Variants in KLHL4 observed in about 807,000 individuals in gnomAD.
KLHL4 encodes kelch like family member 4, also known as kelch-like protein 4.
KLHL4 carries 17 observed loss-of-function variants against 45.8 expected under a neutral mutation model. The ratio of observed to expected loss-of-function variants is 0.37; its 90% confidence interval spans 0.25 to 0.56. The LOEUF (loss-of-function observed/expected upper bound fraction) is 0.56. Ranked by LOEUF, KLHL4 falls within the 20% of genes least tolerant of loss-of-function variation. The pLI is 0.79. For synonymous variants in KLHL4, 224 were observed against 189.9 expected, an observed-to-expected ratio of 1.18 and a Z score of -1.47; for missense variants, 544 against 544.9, an observed-to-expected ratio of 1.00 and a Z score of 0.02.
chrX:87,655,563 A>G (rs1923961874), intron 9 of KLHL4, among the ~76,000 whole-genome samples: 1 of 111,184 alleles, frequency 9.0e-6, no homozygotes, highest in Non-Finnish European at 1.9e-5. Flanking sequence ...CCATTAACTT[A>G]AGTCTCCAAG....
intron 1 of KLHL4, among the ~76,000 whole-genome samples, chrX:87,518,963 A>G (rs894573947): frequency 7.1e-5 from 8 of 112,184 alleles, no homozygotes; most frequent in Non-Finnish European, 1.1e-4. Context: ...CAGCTTTTAC[A>G]TAAAATGAAA....
At chrX:87,603,802 C>G (rs1922098155) in intron 1 of KLHL4, among the ~76,000 whole-genome samples, 1 of 110,301 alleles carries the variant, frequency 9.1e-6, no homozygotes, top group Non-Finnish European at 1.9e-5. Context: ...CACACTCACT[C>G]TACTGTGCAA....
At chrX:87,619,319 A>G (rs968708881) in intron 4 of KLHL4, among the ~76,000 whole-genome samples, 1 of 111,790 alleles carries the variant, frequency 8.9e-6, no homozygotes, top group Non-Finnish European at 1.9e-5. Context: ...AATTTCTAAA[A>G]TTTCAATTGT....
chrX:87,604,158 C>T (rs1300478022), intron 1 of KLHL4, among the ~76,000 whole-genome samples: 2 of 110,482 alleles, frequency 1.8e-5, no homozygotes, highest in Non-Finnish European at 3.8e-5. Flanking sequence ...TGAGTTTATT[C>T]CATATCTTGT....
At chrX:87,533,239 A>T (rs1449240706) in intron 1 of KLHL4, among the ~76,000 whole-genome samples, 1 of 106,811 alleles carries the variant, frequency 9.4e-6, no homozygotes, top group Non-Finnish European at 1.9e-5. Context: ...ATGCTGCTAT[A>T]AAGACACATG....
At chrX:87,589,481 G>T (rs1002345976) in intron 1 of KLHL4, among the ~76,000 whole-genome samples, 1 of 111,914 alleles carries the variant, frequency 8.9e-6, no homozygotes, top group Non-Finnish European at 1.9e-5. Flanking sequence ...TCAGCCATTA[G>T]AAAAATGAGA....
chrX:87,635,745 A>T lies in KLHL4; in HGVS notation c.1895A>T (p.His632Leu), dbSNP rs943701260. ...VGGHDAPASN[H>L]CSRLSDCVER... ...GGGCATGATGCCCCTGCTTCCAACCATTGCTCCAGGCTTTCTGACTGTGTG... is the reference window on the plus strand; with the variant it reads ...GGGCATGATGCCCCTGCTTCCAACCTTTGCTCCAGGCTTTCTGACTGTGTG... Residue 632 changes from histidine (H) to leucine (L), a missense_variant, in exon 9 of 11, where the codon CAT (histidine) becomes CTT (leucine). His to Leu is a moderately conservative substitution (Grantham distance 99, BLOSUM62 -3). Coordinates refer to ENST00000373119, the MANE Select transcript of KLHL4 (RefSeq NM_019117.5). 3.3e-6 allele frequency: 4 copies of T among 1,199,748 alleles called. No homozygotes were observed. Among genetic ancestry groups the T allele is most frequent in the Non-Finnish European group, 4.5e-6 (4 of 887,732 alleles).
intron 1 of KLHL4, among the ~76,000 whole-genome samples, chrX:87,549,692 T>G (rs2065837711): frequency 9.0e-6 from 1 of 111,009 alleles, no homozygotes; most frequent in South Asian, 3.7e-4. Flanking sequence ...TGAGGAAATT[T>G]ATAAGGAAAC....
chrX:87,568,378 C>CTTTTTTTTTTTT (rs1932260894), intron 1 of KLHL4, among the ~76,000 whole-genome samples: 1 of 62,289 alleles, frequency 1.6e-5, no homozygotes, highest in African/African-American at 6.3e-5. Flanking sequence ...TTTTCTTTTT[C>CTTTTTTTTTTTT]TTTTCTTTTT....
rs183377905 is a variant in KLHL4, at chrX:87,536,935, C to T, written c.422+18620C>T. Among the ~76,000 whole-genome samples, 7 of 111,356 alleles carry T rather than the reference C, an allele frequency of 6.3e-5. No individual in the cohort carries two copies. In the East Asian group the frequency reaches 1.4e-3, roughly 22 times the overall value. On this transcript the variant is annotated intron_variant, in intron 1 of 10. Transcript: ENST00000373119. ...AACATAAGTTTAAAATTTAATTTAT[C>T]GGTTTTTGAAAAACAGCTTAAATAT... is the stretch of plus-strand genomic sequence containing the variant.
In KLHL4 at chrX:87,522,347, C is replaced by A. The variant is rs181262715; in HGVS notation, c.422+4032C>A. The stretch of plus-strand genomic sequence containing the variant: ...TAACAATAACAAAGCAATACTAATA[C>A]AACATTAAAAATAAGAAGTACCTTT... On this transcript the variant is annotated intron_variant, in intron 1 of 10. Coordinates refer to ENST00000373119, the MANE Select transcript of KLHL4 (RefSeq NM_019117.5). 1.3e-4 allele frequency among the ~76,000 whole-genome samples: 15 copies of A among 111,586 alleles called. No homozygotes were observed. The East Asian group carries it at 4.0e-3, about 30-fold the overall frequency.
At chrX:87,559,124 C>T (rs1485591605) in intron 1 of KLHL4, among the ~76,000 whole-genome samples, 1 of 111,997 alleles carries the variant, frequency 8.9e-6, no homozygotes, top group African/African-American at 3.2e-5. Context: ...ATAACACATA[C>T]ATGAATAAGT....
Position 87,668,192 on chromosome X carries a change from G to A in KLHL4, c.*1658G>A. On this transcript the variant is annotated 3_prime_UTR_variant, in exon 11 of 11. Transcript: ENST00000373119. The stretch of plus-strand genomic sequence containing the variant: ...TTGAATTCACACCTTATTGAAATCA[G>A]TGTAGAAGTAGAGTTACCTAAACCT... 1.3e-6 allele frequency: 1 copy of A among 752,026 alleles called. No individual in the cohort carries two copies. The highest frequency in any genetic ancestry group is 6.7e-5 in the South Asian group (1 of 14,821). 62.0% of individuals were successfully genotyped at this position (752,026 alleles called of 1,213,427 possible). A position where few individuals can be genotyped will look rare whatever the true frequency, so the allele number is the denominator to read the frequency against.
chrX:87,665,203 CA>C, intron 10 of KLHL4, among the ~76,000 whole-genome samples: 1 of 111,147 alleles, frequency 9.0e-6, no homozygotes, highest in East Asian at 2.8e-4. Flanking sequence ...TTCATGAAAG[CA>C]TTCCCTTTAA....
At chrX:87,611,670 A>ATACTATACTG (rs1327770967) in intron 1 of KLHL4, among the ~76,000 whole-genome samples, 1 of 108,954 alleles carries the variant, frequency 9.2e-6, no homozygotes, top group Non-Finnish European at 1.9e-5. Context: ...ATACTATACT[A>ATACTATACTG]TACTATACTA....
chrX:87,531,190 C>T (rs1270325536), intron 1 of KLHL4, among the ~76,000 whole-genome samples: 36 of 109,953 alleles, frequency 3.3e-4, no homozygotes, highest in South Asian at 3.9e-4. Context: ...GAGTAGGTTG[C>T]GAAAATTTTC....
At chrX:87,536,262 C>T (rs1426728607) in intron 1 of KLHL4, among the ~76,000 whole-genome samples, 1 of 110,911 alleles carries the variant, frequency 9.0e-6, no homozygotes, top group Non-Finnish European at 1.9e-5. Context: ...AAATTTGGCC[C>T]TATTCTCTTA....
chrX:87,522,822 A>G (rs1236724951), intron 1 of KLHL4, among the ~76,000 whole-genome samples: 2 of 112,090 alleles, frequency 1.8e-5, no homozygotes, highest in East Asian at 2.8e-4. Context: ...TTGCTGGTTG[A>G]TTGCAAATCC....
At chrX:87,537,987 C>T (rs1190291193) in intron 1 of KLHL4, among the ~76,000 whole-genome samples, 1 of 111,479 alleles carries the variant, frequency 9.0e-6, no homozygotes, top group African/African-American at 3.3e-5. Context: ...ATGCCAAATA[C>T]TAACGCATGA....
Sources: gnomAD v4.1 joint callset for allele counts (sites outside exome capture counted in the v4.1 genomes callset) on GRCh38, gnomAD v4.1.1 for gene constraint, MANE v1.5 for transcripts, NCBI Gene and HGNC (gene_info 2026-07-23, HGNC 2026-07-21) for gene names.